PPAT: variants seen among roughly 807,000 people sequenced by gnomAD.
PPAT encodes the protein phosphoribosyl pyrophosphate amidotransferase.
PPAT carries 20 observed loss-of-function variants against 60.2 expected under a neutral mutation model. That is an observed-to-expected ratio of 0.33 (90% CI 0.23 to 0.48). The LOEUF is 0.48. Ranked by LOEUF, PPAT falls within the 20% of genes least tolerant of loss-of-function variation. PPAT has a pLI of 0.99. For missense variants in PPAT, 349 were observed against 629.6 expected (o/e 0.55, Z 4.77); for synonymous variants, 194 against 215.1 (o/e 0.90, Z 0.86).
chr4:56,395,284 G>A lies in PPAT; in HGVS notation c.*68C>T, dbSNP rs1578111427. 3 of 1,270,802 alleles carry A rather than the reference G, an allele frequency of 2.4e-6. No individual in the cohort carries two copies. The highest frequency in any genetic ancestry group is 5.0e-5 in the East Asian group (2 of 39,726). 78.7% of individuals were successfully genotyped at this position (1,270,802 alleles called of 1,614,324 possible). On this transcript the variant is annotated 3_prime_UTR_variant, in exon 11 of 11. Coordinates refer to ENST00000264220, the MANE Select transcript of PPAT (RefSeq NM_002703.5). ...ACCAACTGAGTAACAGTAAATAGATGAGGTGTGACCACTATAACTTCTTGA... is the reference window on the plus strand; with the variant it reads ...ACCAACTGAGTAACAGTAAATAGATAAGGTGTGACCACTATAACTTCTTGA...
chr4:56,415,741 G>C (rs1453218790), intron 1 of PPAT, among the ~76,000 whole-genome samples: 1 of 151,998 alleles, frequency 6.6e-6, no homozygotes, highest in Non-Finnish European at 1.5e-5. Context: ...TGCCTACTCT[G>C]TTAGAGCACC....
intron 1 of PPAT, chr4:56,421,942 C>T (rs1255638390): frequency 2.0e-5 from 3 of 152,094 alleles, no homozygotes; most frequent in African/African-American, 7.2e-5. Flanking sequence ...ATATTAGGGT[C>T]CCTTTAAAAA....
intron 2 of PPAT, among the ~76,000 whole-genome samples, chr4:56,406,920 A>G (rs996989336): frequency 6.6e-5 from 10 of 152,244 alleles, no homozygotes; most frequent in African/African-American, 2.4e-4. Context: ...CAAAAGTCAC[A>G]TACCATAAAA....
At position 56,406,550 on chromosome 4, in the gene PPAT, T is replaced by G; in HGVS notation, c.347A>C (p.Lys116Thr). Residue 116 changes from lysine (K) to threonine (T), a missense_variant, in exon 3 of 11, where the codon AAG becomes ACG. By Grantham distance (78) the Lys-to-Thr change is moderately conservative. Coordinates refer to ENST00000264220, the MANE Select transcript of PPAT (RefSeq NM_002703.5). ...TTCGCCATTATGTGCCACAGCTATC[T>G]TCCCATGAAGTGTTTCAACAACGAA... ...QPFVVETLHG[K>T]IAVAHNGELV... The G allele has an allele frequency of 1.9e-6, 3 of 1,613,292 alleles. No individual in the cohort carries two copies. Among genetic ancestry groups the G allele is most frequent in the Non-Finnish European group, 2.5e-6 (3 of 1,179,994 alleles).
chr4:56,432,663 T>C (rs916275927), intron 1 of PPAT, among the ~76,000 whole-genome samples: 2 of 151,476 alleles, frequency 1.3e-5, no homozygotes, highest in African/African-American at 4.9e-5. Context: ...GGGGCGCCTG[T>C]AGTCCCAGCT....
intron 1 of PPAT, among the ~76,000 whole-genome samples, chr4:56,433,650 C>CTA (rs942784973): frequency 1.2e-4 from 18 of 152,068 alleles, no homozygotes; most frequent in African/African-American, 4.3e-4. Context: ...ACCCTAAAGA[C>CTA]CTCTAGATTC....
chr4:56,411,355 C>T (rs541774214), intron 1 of PPAT, among the ~76,000 whole-genome samples: 2 of 152,270 alleles, frequency 1.3e-5, no homozygotes, highest in African/African-American at 2.4e-5. Flanking sequence ...AATAAAAGCA[C>T]ATTTAAAATA....
rs570398353 is a variant in PPAT, at chr4:56,409,577, A to T, written c.129-1861T>A. ...GTGGTGATACAGAGAAAAAAGCCAA[A>T]ATCTAGACTGAAGGTAGGGCAAGAC... is the stretch of plus-strand genomic sequence containing the variant. On this transcript the variant is annotated intron_variant, in intron 1 of 10. Coordinates refer to ENST00000264220, the MANE Select transcript of PPAT (RefSeq NM_002703.5). Among the ~76,000 whole-genome samples, 198 of 152,332 alleles carry T rather than the reference A, an allele frequency of 1.3e-3. 1 individual carries two copies. The highest frequency in any genetic ancestry group is 2.3e-3 in the Non-Finnish European group (158 of 68,022).
chr4:56,424,531 C>T (rs1326408992), intron 1 of PPAT, among the ~76,000 whole-genome samples: 2 of 151,602 alleles, frequency 1.3e-5, no homozygotes, highest in South Asian at 2.1e-4. Context: ...AAATCAATCA[C>T]GGAGAAGAAT....
chr4:56,432,476 A>G (rs1163339792), intron 1 of PPAT, among the ~76,000 whole-genome samples: 1 of 149,622 alleles, frequency 6.7e-6, no homozygotes, highest in Admixed American at 6.7e-5. Flanking sequence ...CAATGAGCCC[A>G]GATCATACCA....
rs775221186 is a variant in PPAT at position 56,403,183 on chromosome 4, A to T, written c.518T>A (p.Ile173Asn). The part of the protein sequence containing the change: ...QDDTPDWVAR[I>N]KNLMKEAPTA... ...GGGTGCTTCCTTCATCAAGTTTTTA[A>T]TCCTGGAATTAATTAAATAATTGAA... is the stretch of plus-strand genomic sequence containing the variant. Residue 173 changes from isoleucine to asparagine, a missense_variant and splice_region_variant, in exon 5 of 11, where the codon ATT becomes AAT. Around this residue, in one of 5 missense-constraint regions of PPAT, gnomAD observed 63 missense variants for 86.9 expected, o/e 0.73. Transcript: ENST00000264220. 6.3e-7 allele frequency: 1 copy of T among 1,591,228 alleles called. No homozygotes were observed. The highest frequency in any genetic ancestry group is 1.1e-5 in the South Asian group (1 of 89,874).
intron 1 of PPAT, among the ~76,000 whole-genome samples, chr4:56,412,221 C>T (rs1716496569): frequency 6.6e-6 from 1 of 152,030 alleles, no homozygotes; most frequent in South Asian, 2.1e-4. Context: ...CACTCATAAA[C>T]AGAGGGACTA....
intron 1 of PPAT, among the ~76,000 whole-genome samples, chr4:56,430,836 C>G (rs996505970): frequency 6.6e-6 from 1 of 151,572 alleles, no homozygotes; most frequent in African/African-American, 2.4e-5. Context: ...GAAGACTTGC[C>G]CAAGATTAAA....
At chr4:56,431,903 C>G (rs1040038214) in intron 1 of PPAT, among the ~76,000 whole-genome samples, 2 of 152,002 alleles carry the variant, frequency 1.3e-5, no homozygotes, top group Non-Finnish European at 2.9e-5. Flanking sequence ...ATGAACATAC[C>G]CACACACATG....
intron 1 of PPAT, among the ~76,000 whole-genome samples, chr4:56,412,142 A>G (rs1194112139): frequency 6.6e-6 from 1 of 152,098 alleles, no homozygotes; most frequent in African/African-American, 2.4e-5. Context: ...GTGGGTGCCA[A>G]TATCTCAACT....
intron 9 of PPAT, among the ~76,000 whole-genome samples, chr4:56,397,602 A>G (rs1352814368): frequency 6.6e-6 from 1 of 152,202 alleles, no homozygotes; most frequent in Admixed American, 6.5e-5. Context: ...TGTAAATGGC[A>G]TCTCACTTCT....
Position 56,431,534 on chromosome 4 carries a change from A to G in PPAT, c.128+3816T>C. ...TACAGAATGTTTCTGCAGACAGAAAACCCAACTTCATCAGGTAAATCTTAT... is the reference window on the plus strand; with the variant it reads ...TACAGAATGTTTCTGCAGACAGAAAGCCCAACTTCATCAGGTAAATCTTAT... On this transcript the variant is annotated intron_variant, in intron 1 of 10. Coordinates refer to ENST00000264220, the MANE Select transcript of PPAT (RefSeq NM_002703.5). 4 of 981,136 alleles carry G rather than the reference A, an allele frequency of 4.1e-6. No homozygotes were observed. In the South Asian group the frequency reaches 1.9e-4, roughly 46 times the overall value. The allele number at this position is 981,136 out of a possible 1,614,324, so 60.8% of individuals were successfully genotyped here.
At chr4:56,419,480 G>A (rs1290100065) in intron 1 of PPAT, 1 of 167,782 alleles carries the variant, frequency 6.0e-6, no homozygotes, top group Non-Finnish European at 1.2e-5. Context: ...CACTGTTTAA[G>A]AGAAAAGCTA....
In PPAT at chr4:56,402,094, C is replaced by A; in HGVS notation, c.734+15G>T. The A allele has an allele frequency of 1.3e-6, 2 of 1,519,742 alleles. No individual in the cohort carries two copies. The highest frequency in any genetic ancestry group is 1.9e-5 in the Admixed American group (1 of 51,876). 94.1% of individuals were successfully genotyped at this position (1,519,742 alleles called of 1,614,324 possible). On this transcript the variant is annotated intron_variant, in intron 6 of 10. Coordinates refer to ENST00000264220, the MANE Select transcript of PPAT (RefSeq NM_002703.5). ...ACATGGGAAAATAAAATATGTCAAA[C>A]AAGGTAAAACTTACCTTGCACCAAT...
Sources: gnomAD v4.1 joint callset for allele counts (sites outside exome capture counted in the v4.1 genomes callset) on GRCh38, gnomAD v4.1.1 for gene constraint, gnomAD v4.1.1 regional missense constraint, MANE v1.5 for transcripts, NCBI Gene and HGNC (gene_info 2026-07-23, HGNC 2026-07-21) for gene names.